MAGI2: variants seen among roughly 807,000 people sequenced by gnomAD.
The protein encoded by MAGI2 is membrane-associated guanylate kinase, WW and PDZ domain-containing protein 2.
In MAGI2, 35 loss-of-function variants were observed where a neutral mutation model predicts 133.3. That is an observed-to-expected ratio of 0.26 (90% CI 0.20 to 0.35). The LOEUF (loss-of-function observed/expected upper bound fraction) is 0.35, where lower values mean the gene tolerates loss of function less well. MAGI2 is among the 10% of genes least tolerant of loss of function. MAGI2 has a pLI of 1.00. For synonymous variants in MAGI2, 729 were observed against 710.6 expected (o/e 1.03, Z -0.41); for missense variants, 1,636 against 1,863.4 (o/e 0.88, Z 2.25).
intron 1 of MAGI2, among the ~76,000 whole-genome samples, chr7:79,237,944 C>T (rs1241412612): frequency 6.6e-6 from 1 of 152,098 alleles, no homozygotes; most frequent in African/African-American, 2.4e-5. Context: ...AAACTTGAAG[C>T]TCTGAGACGA....
chr7:78,636,525 G>T (rs776743457), intron 2 of MAGI2, among the ~76,000 whole-genome samples: 2 of 152,124 alleles, frequency 1.3e-5, no homozygotes, highest in Non-Finnish European at 2.9e-5. Context: ...AAGGCCGGGC[G>T]CTGTGGCTCA....
At chr7:78,642,590 T>C (rs1810428400) in intron 2 of MAGI2, among the ~76,000 whole-genome samples, 1 of 152,176 alleles carries the variant, frequency 6.6e-6, no homozygotes, top group African/African-American at 2.4e-5. Flanking sequence ...ATCAATCTAG[T>C]GGAAAAGAGA....
chr7:79,171,627 C>A, intron 1 of MAGI2, among the ~76,000 whole-genome samples: 1 of 149,544 alleles, frequency 6.7e-6, no homozygotes, highest in African/African-American at 2.4e-5. Context: ...ACTCTATGGT[C>A]ATATGTCTAC....
intron 9 of MAGI2, among the ~76,000 whole-genome samples, chr7:78,326,795 C>A (rs1398135936): frequency 6.6e-6 from 1 of 152,126 alleles, no homozygotes; most frequent in Non-Finnish European, 1.5e-5. Context: ...GCCCCAACAC[C>A]AAACTTGATT....
intron 2 of MAGI2, among the ~76,000 whole-genome samples, chr7:78,925,895 A>G (rs1295040134): frequency 6.6e-6 from 1 of 152,026 alleles, no homozygotes; most frequent in Non-Finnish European, 1.5e-5. Flanking sequence ...ATAACTGCTA[A>G]GAGTGGAAAG....
At chr7:78,910,097 G>A (rs1266737923) in intron 2 of MAGI2, among the ~76,000 whole-genome samples, 1 of 151,988 alleles carries the variant, frequency 6.6e-6, no homozygotes, top group Non-Finnish European at 1.5e-5. Flanking sequence ...AGAACACATG[G>A]ACACAGGGAG....
At position 79,218,039 on chromosome 7, in the gene MAGI2, G is replaced by T. The variant is rs191436362; in HGVS notation, c.302-210833C>A. On this transcript the variant is annotated intron_variant, in intron 1 of 21. Coordinates refer to ENST00000354212, the MANE Select transcript of MAGI2 (RefSeq NM_012301.4). ...CTCAGCACTGAAAAGGTTCATAACT[G>T]CTGACAGAGACTAGAACTACAATCT... is the stretch of plus-strand genomic sequence containing the variant. Among the ~76,000 whole-genome samples, 20 of 152,054 alleles carry T rather than the reference G, an allele frequency of 1.3e-4. 1 individual carries two copies. The highest frequency in any genetic ancestry group is 9.8e-4 in the Admixed American group (15 of 15,272).
intron 1 of MAGI2, among the ~76,000 whole-genome samples, chr7:79,435,554 A>G (rs569267441): frequency 4.6e-5 from 7 of 152,326 alleles, no homozygotes; most frequent in African/African-American, 1.7e-4. Context: ...TAGCATAATT[A>G]GTAGGACATA....
At chr7:78,720,642 C>T (rs146961572) in intron 2 of MAGI2, among the ~76,000 whole-genome samples, 6 of 152,132 alleles carry the variant, frequency 3.9e-5, no homozygotes, top group African/African-American at 1.4e-4. Flanking sequence ...AAGCAGCTTA[C>T]TAATGTACAG....
chr7:78,752,046 T>C (rs1823503942), intron 2 of MAGI2, among the ~76,000 whole-genome samples: 1 of 152,186 alleles, frequency 6.6e-6, no homozygotes, highest in South Asian at 2.1e-4. Flanking sequence ...GAGTCTGATA[T>C]ATGCTAGAAT....
intron 9 of MAGI2, among the ~76,000 whole-genome samples, chr7:78,298,075 G>GAGAA (rs999009462): frequency 1.2e-4 from 18 of 151,932 alleles, no homozygotes; most frequent in South Asian, 2.1e-4. Flanking sequence ...ATGATGTGAT[G>GAGAA]AGAATGCCAT....
At chr7:78,340,078 T>C (rs981559456) in intron 9 of MAGI2, among the ~76,000 whole-genome samples, 2 of 152,158 alleles carry the variant, frequency 1.3e-5, no homozygotes, top group Non-Finnish European at 2.9e-5. Context: ...AATTCATAAG[T>C]GTATTGGTCA....
intron 2 of MAGI2, among the ~76,000 whole-genome samples, chr7:78,732,955 T>C (rs1304945814): frequency 6.6e-6 from 1 of 152,184 alleles, no homozygotes; most frequent in Middle Eastern, 3.2e-3. Context: ...GATGTGGGAC[T>C]GTTTATTCTA....
chr7:78,028,780 C>T (rs1170057464), intron 21 of MAGI2, among the ~76,000 whole-genome samples: 1 of 136,734 alleles, frequency 7.3e-6, no homozygotes, highest in African/African-American at 2.7e-5. Flanking sequence ...ACCTGGGAGG[C>T]GGAGGTTGCA....
At chr7:79,424,270 T>G (rs2129181705) in intron 1 of MAGI2, among the ~76,000 whole-genome samples, 1 of 152,052 alleles carries the variant, frequency 6.6e-6, no homozygotes, top group African/African-American at 2.4e-5. Flanking sequence ...CTTTTTTTTT[T>G]TAATTTGATG....
intron 1 of MAGI2, among the ~76,000 whole-genome samples, chr7:79,178,297 G>A (rs1374238517): frequency 6.6e-6 from 1 of 151,868 alleles, no homozygotes; most frequent in East Asian, 1.9e-4. Context: ...AGCACTGATG[G>A]TATGGAATTA....
chr7:79,324,425 C>A (rs1585571873), intron 1 of MAGI2, among the ~76,000 whole-genome samples: 1 of 98,302 alleles, frequency 1.0e-5, no homozygotes, highest in East Asian at 2.6e-4. Context: ...CTATCTATAA[C>A]CATATATATA....
chr7:79,429,818 C>A (rs1208376364), intron 1 of MAGI2, among the ~76,000 whole-genome samples: 1 of 152,082 alleles, frequency 6.6e-6, no homozygotes, highest in East Asian at 1.9e-4. Context: ...ATATGATTAT[C>A]TCATTGAATA....
chr7:78,529,067 G>A (rs184887358), intron 3 of MAGI2, among the ~76,000 whole-genome samples: 65 of 151,756 alleles, frequency 4.3e-4, no homozygotes, highest in African/African-American at 1.5e-3. Flanking sequence ...TTAAATTAAC[G>A]CTGGTTTCAC....
Sources: gnomAD v4.1 joint callset for allele counts (sites outside exome capture counted in the v4.1 genomes callset) on GRCh38, gnomAD v4.1.1 for gene constraint, MANE v1.5 for transcripts, NCBI Gene and HGNC (gene_info 2026-07-23, HGNC 2026-07-21) for gene names.